The following EPN2 variants were observed in gnomAD, a reference collection of about 807,000 sequenced individuals.
The protein encoded by EPN2 is epsin-2.
In EPN2, 34 loss-of-function variants were observed where a neutral mutation model predicts 61.7. That is an observed-to-expected ratio of 0.55 (90% CI 0.42 to 0.73). The LOEUF (loss-of-function observed/expected upper bound fraction) is 0.73, where lower values mean the gene tolerates loss of function less well. Among genes scored for constraint, EPN2 ranks in the 30% least tolerant of loss-of-function variants. The pLI is 0.00. For missense variants in EPN2, 714 were observed against 839.2 expected (o/e 0.85, Z 1.84); for synonymous variants, 349 against 353.6 (o/e 0.99, Z 0.15).
intron 4 of EPN2, among the ~76,000 whole-genome samples, chr17:19,309,351 G>C (rs1324849059): frequency 6.6e-6 from 1 of 152,044 alleles, no homozygotes; most frequent in Non-Finnish European, 1.5e-5. Flanking sequence ...GGATGGTCTC[G>C]ATCTCTTGAC....
At chr17:19,278,572 C>T (rs1321609256) in intron 1 of EPN2, among the ~76,000 whole-genome samples, 3 of 152,224 alleles carry the variant, frequency 2.0e-5, no homozygotes, top group East Asian at 3.8e-4. Flanking sequence ...CCTTCCACAA[C>T]ACGTGGGAAT....
rs192706608 is a variant in EPN2, at chr17:19,298,653, C to T, written c.767-11232C>T. On this transcript the variant is annotated intron_variant, in intron 4 of 10. Coordinates refer to ENST00000314728, the MANE Select transcript of EPN2 (RefSeq NM_014964.5). ...TGAGTAGCTTGGGACTACAGACACC[C>T]GCTACCGAGCCCAGCAACACTTAGT... Among the ~76,000 whole-genome samples, 902 of 152,270 alleles carry T rather than the reference C, an allele frequency of 5.9e-3. 5 individuals are homozygous for T. Among genetic ancestry groups the T allele is most frequent in the Admixed American group, 8.3e-3 (127 of 15,300 alleles).
At chr17:19,322,679 G>C (rs185767305) in intron 7 of EPN2, among the ~76,000 whole-genome samples, 1 of 151,240 alleles carries the variant, frequency 6.6e-6, no homozygotes, top group Admixed American at 6.6e-5. Context: ...GGTTGAAACT[G>C]CAGTGAGCTG....
At chr17:19,250,319 C>CCCCTAACCTCAAGT (rs2045001366) in intron 1 of EPN2, among the ~76,000 whole-genome samples, 1 of 152,040 alleles carries the variant, frequency 6.6e-6, no homozygotes, top group Non-Finnish European at 1.5e-5. Context: ...TGGTGTCGAA[C>CCCCTAACCTCAAGT]CCCTAACCTC....
At chr17:19,254,987 A>G (rs1380353736) in intron 1 of EPN2, among the ~76,000 whole-genome samples, 1 of 152,170 alleles carries the variant, frequency 6.6e-6, no homozygotes, top group East Asian at 1.9e-4. Context: ...TGTGCAGGGC[A>G]TTGGTTTCAG....
chr17:19,323,355 C>G (rs1421285689), intron 7 of EPN2, among the ~76,000 whole-genome samples: 1 of 152,112 alleles, frequency 6.6e-6, no homozygotes, highest in African/African-American at 2.4e-5. Flanking sequence ...GTGAGGACAC[C>G]TAACACATAT....
At chr17:19,273,459 ATTCT>A in intron 1 of EPN2, among the ~76,000 whole-genome samples, 1 of 152,254 alleles carries the variant, frequency 6.6e-6, no homozygotes, top group East Asian at 1.9e-4. Flanking sequence ...TTTCTTCAAA[ATTCT>A]TTAAGTATAT....
chr17:19,296,175 G>C (rs1366644562), intron 4 of EPN2, among the ~76,000 whole-genome samples: 1 of 151,828 alleles, frequency 6.6e-6, no homozygotes, highest in Non-Finnish European at 1.5e-5. Flanking sequence ...AACTGGGACA[G>C]AGTCTCACCC....
intron 4 of EPN2, chr17:19,297,458 G>T (rs916079626): frequency 1.3e-5 from 2 of 152,210 alleles, no homozygotes; most frequent in African/African-American, 4.8e-5. Context: ...TGGTTCATGT[G>T]CTCACTTTCT....
chr17:19,334,325 C>A lies in EPN2; in HGVS notation c.*71C>A. 7.8e-7 allele frequency: 1 copy of A among 1,288,416 alleles called. No homozygotes were observed. The highest frequency in any genetic ancestry group is 1.0e-6 in the Non-Finnish European group (1 of 986,580). 79.8% of individuals were successfully genotyped at this position (1,288,416 alleles called of 1,614,324 possible). The stretch of plus-strand genomic sequence containing the variant: ...CGAGCAGGGACTCTCGTCTGTGGGA[C>A]GGGATCCAAGAGTTTGGGGATTAGG... On this transcript the variant is annotated 3_prime_UTR_variant, in exon 11 of 11. Transcript: ENST00000314728. The surrounding 1 kb of genome is among the most constrained non-coding windows in gnomAD (Gnocchi z 4.9).
chr17:19,289,680 A>G (rs1193858154), intron 4 of EPN2, among the ~76,000 whole-genome samples: 1 of 147,230 alleles, frequency 6.8e-6, no homozygotes, highest in Admixed American at 6.8e-5. Flanking sequence ...GGGCATGGAC[A>G]GTGCTTATAG....
chr17:19,334,001 A>T lies in EPN2; in HGVS notation c.1673A>T (p.Gln558Leu). ...CCTGTTAACCCTTTCCAGGTGAACC[A>T]GCCCCAGCCGCTGACACTGAACCAG... is the stretch of plus-strand genomic sequence containing the variant. ...SAPVNPFQVN[Q>L]PQPLTLNQLR... The change falls in exon 11 of 11, where the codon CAG becomes CTG. Residue 558 changes from glutamine to leucine, a missense_variant. Coordinates refer to ENST00000314728, the MANE Select transcript of EPN2 (RefSeq NM_014964.5). This position sits in a 1 kb window ranked among gnomAD's most constrained non-coding sequence, Gnocchi z 4.9. 1.3e-6 allele frequency: 2 copies of T among 1,588,016 alleles called. No individual in the cohort carries two copies. The highest frequency in any genetic ancestry group is 8.6e-7 in the Non-Finnish European group (1 of 1,163,758).
chr17:19,245,464 GTGCAGTGGCGGGATCTCAGCTCAC>G lies in EPN2; in HGVS notation c.-294+7939_-294+7962del, dbSNP rs570620886. ...TTGGAGTCTCTGTTGCCAGGCTGGA[GTGCAGTGGCGGGATCTCAGCTCAC>G]TGCAGCGGCGGGATCTCAGCTCACT... On this transcript the variant is annotated intron_variant, in intron 1 of 10. Transcript: ENST00000314728. Among the ~76,000 whole-genome samples the G allele has an allele frequency of 5.2e-3, 778 of 148,616 alleles. 2 individuals are homozygous for G. Among genetic ancestry groups the G allele is most frequent in the Middle Eastern group, 0.024 (7 of 288 alleles).
rs529745701 is a variant in EPN2, at chr17:19,253,502, C to T, written c.-294+15971C>T. Reference sequence around the variant, plus strand: ...TGACCATGGCTCACTGCAGCCTTGACTTCCTGGGCTCAAGGGATCTTCCCA... The same window carrying T: ...TGACCATGGCTCACTGCAGCCTTGATTTCCTGGGCTCAAGGGATCTTCCCA... On this transcript the variant is annotated intron_variant, in intron 1 of 10. Transcript: ENST00000314728. Among the ~76,000 whole-genome samples the T allele has an allele frequency of 1.6e-3, 238 of 145,428 alleles. 2 individuals carry two copies. The South Asian group carries it at 0.027, about 17-fold the overall frequency.
chr17:19,291,886 G>A (rs547326127), intron 4 of EPN2, among the ~76,000 whole-genome samples: 2 of 152,264 alleles, frequency 1.3e-5, no homozygotes, highest in East Asian at 3.9e-4. Flanking sequence ...AACCTCAGGG[G>A]TGAACCAGAG....
intron 1 of EPN2, among the ~76,000 whole-genome samples, chr17:19,258,596 A>G (rs958328713): frequency 2.6e-5 from 4 of 152,204 alleles, no homozygotes; most frequent in East Asian, 3.8e-4. Flanking sequence ...AAACAGGCCA[A>G]TTCCTCAGGA....
chr17:19,304,470 AC>A (rs1905724178), intron 4 of EPN2, among the ~76,000 whole-genome samples: 1 of 152,068 alleles, frequency 6.6e-6, no homozygotes, highest in Non-Finnish European at 1.5e-5. Flanking sequence ...GCAGAAAGCA[AC>A]CCCAGGCCTG....
intron 7 of EPN2, among the ~76,000 whole-genome samples, chr17:19,318,851 C>T (rs978875146): frequency 1.3e-5 from 2 of 151,916 alleles, no homozygotes; most frequent in Non-Finnish European, 2.9e-5. Flanking sequence ...CTTCAGAACC[C>T]GTGCAGTGGA....
intron 9 of EPN2, among the ~76,000 whole-genome samples, chr17:19,331,328 G>T (rs979416786): frequency 1.3e-5 from 2 of 152,132 alleles, no homozygotes; most frequent in Non-Finnish European, 2.9e-5. Context: ...TACTAAGTGA[G>T]AGAATGACTG....
Sources: allele counts gnomAD v4.1 joint callset (sites outside exome capture counted in the v4.1 genomes callset), GRCh38; gene constraint gnomAD v4.1.1; non-coding constraint Gnocchi (gnomAD v3.1); transcripts MANE v1.5; gene names NCBI Gene and HGNC (gene_info 2026-07-23, HGNC 2026-07-21).